The following RB1CC1 variants were observed in gnomAD, a reference collection of about 807,000 sequenced individuals.
RB1CC1 encodes the protein RB1 inducible coiled-coil 1.
RB1CC1 carries 46 observed loss-of-function variants against 177.5 expected under a neutral mutation model. The ratio of observed to expected loss-of-function variants is 0.26; its 90% CI spans 0.20 to 0.33. RB1CC1 has a LOEUF of 0.33. Among genes scored for constraint, RB1CC1 ranks in the 10% least tolerant of loss-of-function variants. RB1CC1 has a pLI of 1.00. For synonymous variants in RB1CC1, 666 were observed against 613.6 expected, an observed-to-expected ratio of 1.09 and a Z score of -1.26; for missense variants, 1,703 against 1,816.3, an observed-to-expected ratio of 0.94 and a Z score of 1.13.
At chr8:52,673,079 G>GA (rs1232724970) in intron 7 of RB1CC1, among the ~76,000 whole-genome samples, 2 of 152,224 alleles carry the variant, frequency 1.3e-5, no homozygotes, top group African/African-American at 4.8e-5. Context: ...AGGCATCCCA[G>GA]ACAATGTGCT....
chr8:52,646,249 G>C (rs1024530936), intron 15 of RB1CC1, among the ~76,000 whole-genome samples: 1 of 152,044 alleles, frequency 6.6e-6, no homozygotes, highest in Non-Finnish European at 1.5e-5. Context: ...GATCACTTGA[G>C]TCCAAGAGTT....
At chr8:52,694,158 C>T (rs1346145654) in intron 1 of RB1CC1, among the ~76,000 whole-genome samples, 1 of 152,202 alleles carries the variant, frequency 6.6e-6, no homozygotes, top group Non-Finnish European at 1.5e-5. Flanking sequence ...ACTCCCAGGA[C>T]ACACACTGGG....
chr8:52,703,851 G>A (rs147282882), intron 1 of RB1CC1, among the ~76,000 whole-genome samples: 23 of 151,938 alleles, frequency 1.5e-4, no homozygotes, highest in African/African-American at 3.6e-4. Context: ...AAATGTTTGC[G>A]GTCAAAACCA....
chr8:52,642,227 G>A, intron 18 of RB1CC1, 124 bp downstream of exon 18: 2 of 1,277,534 alleles, frequency 1.6e-6, no homozygotes, highest in Non-Finnish European at 2.1e-6. Context: ...AATTAAAATA[G>A]CACAACTTTC....
intron 7 of RB1CC1, among the ~76,000 whole-genome samples, chr8:52,672,066 T>C (rs1485952417): frequency 6.6e-6 from 1 of 152,208 alleles, no homozygotes; most frequent in Non-Finnish European, 1.5e-5. Context: ...CATTAACTTC[T>C]AAAAAGAAAA....
chr8:52,656,172 CAAT>C lies in RB1CC1; in HGVS notation c.3654_3656del (p.Leu1219del), dbSNP rs1390329402. 1.2e-6 allele frequency: 2 copies of C among 1,613,674 alleles called. No homozygotes were observed. Among genetic ancestry groups the C allele is most frequent in the Admixed American group, 3.3e-5 (2 of 60,008 alleles). Reference sequence around the variant, plus strand: ...CTCTGTCTTGCTCCTGGCTGCTGACCAATTTTTGTCTGTCTTTCTCAAGGTTCT... The same window carrying C: ...CTCTGTCTTGCTCCTGGCTGCTGACCTTTTGTCTGTCTTTCTCAAGGTTCT... On this transcript the variant is annotated inframe_deletion, in exon 15 of 24. Transcript: ENST00000025008.
chr8:52,631,198 A>G (rs1037325178), intron 20 of RB1CC1, among the ~76,000 whole-genome samples: 19 of 152,192 alleles, frequency 1.2e-4, no homozygotes, highest in African/African-American at 1.2e-4. Context: ...ATGACCAGGA[A>G]GTTGAGTCTT....
rs967131977 is a variant in RB1CC1, at chr8:52,636,546, AATT to A, written c.4338-480_4338-478del. Among the ~76,000 whole-genome samples the A allele has an allele frequency of 4.6e-5, 7 of 152,314 alleles. No homozygotes were observed. The East Asian group carries it at 1.3e-3, about 29-fold the overall frequency. On this transcript the variant is annotated intron_variant, in intron 18 of 23. Coordinates refer to ENST00000025008, the MANE Select transcript of RB1CC1 (RefSeq NM_014781.5). ...CTATAAAATTAGAAAAGAGAAAAAC[AATT>A]ATTATTTAGGTTTTAAAATTCATCT...
intron 7 of RB1CC1, among the ~76,000 whole-genome samples, chr8:52,672,270 C>T (rs116134763): frequency 6.6e-6 from 1 of 152,294 alleles, no homozygotes; most frequent in African/African-American, 2.4e-5. Flanking sequence ...GTACAGGCCA[C>T]TGTGCCTGGC....
At chr8:52,630,430 G>A (rs761079559) in intron 21 of RB1CC1, 40 bp downstream of exon 21, 4 of 1,521,274 alleles carry the variant, frequency 2.6e-6, no homozygotes, top group Middle Eastern at 1.8e-4. Context: ...TTCAGTGAAT[G>A]TTTTTCACAG....
chr8:52,624,350 G>A (rs1049759059), intron 23 of RB1CC1, among the ~76,000 whole-genome samples: 2 of 151,858 alleles, frequency 1.3e-5, no homozygotes, highest in Non-Finnish European at 2.9e-5. Context: ...TTTCTTCAAT[G>A]GGGGCAGAGT....
intron 5 of RB1CC1, among the ~76,000 whole-genome samples, chr8:52,681,655 G>C (rs1469981738): frequency 6.6e-6 from 1 of 152,178 alleles, no homozygotes; most frequent in Non-Finnish European, 1.5e-5. Flanking sequence ...AAGAGGCCAG[G>C]TATGCTGATT....
chr8:52,657,867 T>C lies in RB1CC1; in HGVS notation c.1962A>G (p.Pro654=). ...TAATTCCTGCTGTACTTTCCATCCT[T>C]GGTGAAGAAGCAGACTGTGGGGATG... ...SQTSPQSASS[P]RMESTAGITT... The change falls in exon 15 of 24, where the codon CCA becomes CCG. Residue 654 remains proline (P), a synonymous_variant. Transcript: ENST00000025008. 6.2e-7 allele frequency: 1 copy of C among 1,613,968 alleles called. No individual in the cohort carries two copies. The highest frequency in any genetic ancestry group is 2.2e-5 in the East Asian group (1 of 44,846).
intron 16 of RB1CC1, among the ~76,000 whole-genome samples, chr8:52,644,385 T>G (rs1484037253): frequency 6.6e-6 from 1 of 152,212 alleles, no homozygotes; most frequent in Non-Finnish European, 1.5e-5. Context: ...ACTTTTGGTT[T>G]CAGTTAATTC....
chr8:52,659,775 A>C lies in RB1CC1; in HGVS notation c.1690-799T>G, dbSNP rs189026825. Among the ~76,000 whole-genome samples, 490 of 152,300 alleles carry C rather than the reference A, an allele frequency of 3.2e-3. 9 individuals are homozygous for C. Among genetic ancestry groups the C allele is most frequent in the Middle Eastern group, 0.02 (6 of 294 alleles). On this transcript the variant is annotated intron_variant, in intron 12 of 23. Transcript: ENST00000025008. Reference sequence around the variant, plus strand: ...CAATTTGGGAGGCCAAGGTGGGCAGAACACTTGGGGCCAGGAGTTTGAGAC... The same window carrying C: ...CAATTTGGGAGGCCAAGGTGGGCAGCACACTTGGGGCCAGGAGTTTGAGAC...
chr8:52,708,395 T>A (rs1273172205), intron 1 of RB1CC1, among the ~76,000 whole-genome samples: 1 of 152,170 alleles, frequency 6.6e-6, no homozygotes, highest in Non-Finnish European at 1.5e-5. Context: ...CGGATGCCTG[T>A]AGTCCCAGCT....
chr8:52,699,647 G>GAAA (rs373480962), intron 1 of RB1CC1, among the ~76,000 whole-genome samples: 8 of 123,692 alleles, frequency 6.5e-5, no homozygotes, highest in South Asian at 2.8e-4. Context: ...TGTCTCTAGT[G>GAAA]AAAAAAAAAA....
chr8:52,623,906 T>A, intron 23 of RB1CC1, 47 bp from the exon 24 acceptor site: 1 of 1,170,558 alleles, frequency 8.5e-7, no homozygotes, highest in Non-Finnish European at 1.3e-6. Context: ...TTAAACCACA[T>A]CTCTCTCTCT....
At chr8:52,690,164 A>G (rs953632971) in intron 1 of RB1CC1, among the ~76,000 whole-genome samples, 4 of 152,200 alleles carry the variant, frequency 2.6e-5, no homozygotes, top group Non-Finnish European at 5.9e-5. Flanking sequence ...TTAAATAAAG[A>G]TTTGCTGAAT....
Sources: allele counts gnomAD v4.1 joint callset (sites outside exome capture counted in the v4.1 genomes callset), GRCh38; gene constraint gnomAD v4.1.1; transcripts MANE v1.5; gene names NCBI Gene and HGNC (gene_info 2026-07-23, HGNC 2026-07-21).